The following BCAS3 variants were observed in gnomAD, a reference collection of about 807,000 sequenced individuals.
The protein encoded by BCAS3 is BCAS4/BCAS3 fusion.
BCAS3 carries 53 observed loss-of-function variants against 116.1 expected under a neutral mutation model. The ratio of observed to expected loss-of-function variants is 0.46; its 90% CI spans 0.37 to 0.57. The LOEUF (loss-of-function observed/expected upper bound fraction) is 0.57, where lower values mean the gene tolerates loss of function less well. BCAS3 is among the 20% of genes least tolerant of loss of function. The probability of loss-of-function intolerance (pLI) is 0.00; values close to 1 mark genes in which losing one functional copy is unlikely to be tolerated. For synonymous variants in BCAS3, 391 were observed against 408.2 expected (o/e 0.96, Z 0.51); for missense variants, 917 against 1,165.4 (o/e 0.79, Z 3.10).
chr17:61,049,041 G>C (rs1184397539), intron 19 of BCAS3, among the ~76,000 whole-genome samples: 1 of 152,048 alleles, frequency 6.6e-6, no homozygotes, highest in Non-Finnish European at 1.5e-5. Context: ...TTGCAGAAAA[G>C]TAATCCCAGC....
chr17:60,873,300 G>T (rs2144909894), intron 8 of BCAS3, among the ~76,000 whole-genome samples: 1 of 152,210 alleles, frequency 6.6e-6, no homozygotes, highest in East Asian at 1.9e-4. Context: ...TCACTCATTA[G>T]AATTATTCTG....
intron 6 of BCAS3, among the ~76,000 whole-genome samples, chr17:60,774,238 T>C (rs1403086752): frequency 6.6e-6 from 1 of 152,200 alleles, no homozygotes. Flanking sequence ...TATCTAATGT[T>C]GTTAACCCAT....
chr17:61,322,191 C>T (rs1352171185), intron 22 of BCAS3, among the ~76,000 whole-genome samples: 1 of 152,170 alleles, frequency 6.6e-6, no homozygotes, highest in African/African-American at 2.4e-5. Flanking sequence ...GCCTCAGCCT[C>T]CCAAAGTGCT....
rs573247142 is a variant in BCAS3 at position 61,104,077 on chromosome 17, T to C, written c.2425+19513T>C. Among the ~76,000 whole-genome samples the C allele has an allele frequency of 6.6e-6, 1 of 152,312 alleles. No individual in the cohort carries two copies. The highest frequency in any genetic ancestry group is 1.9e-4 in the East Asian group (1 of 5,190). ...CAGTGTGGATTTTTCTTATGATACG[T>C]TGGAATAAAAGAAAAAACTTTTCTA... On this transcript the variant is annotated intron_variant, in intron 22 of 23. Coordinates refer to ENST00000407086, the MANE Select transcript of BCAS3 (RefSeq NM_017679.5). This position sits in a 1 kb window ranked among gnomAD's most constrained non-coding sequence, Gnocchi z 4.1.
chr17:60,977,829 A>G lies in BCAS3; in HGVS notation c.1222-12142A>G, dbSNP rs1220332923. On this transcript the variant is annotated intron_variant, in intron 14 of 23. Transcript: ENST00000407086. ...ATCCATGTCCCTACAAAGGACATGA[A>G]CTCATCATTTTTTATGGCTGCATAG... Among the ~76,000 whole-genome samples the G allele has an allele frequency of 3.4e-5, 5 of 148,626 alleles. No homozygotes were observed. In the East Asian group the frequency reaches 5.9e-4, roughly 18 times the overall value.
At chr17:61,054,786 TCA>T (rs2069208519) in intron 19 of BCAS3, among the ~76,000 whole-genome samples, 1 of 152,252 alleles carries the variant, frequency 6.6e-6, no homozygotes, top group African/African-American at 2.4e-5. Context: ...TAGTAGTATC[TCA>T]GTGTTCCTTC....
chr17:60,951,567 T>G (rs1232734195), intron 14 of BCAS3, among the ~76,000 whole-genome samples: 1 of 152,110 alleles, frequency 6.6e-6, no homozygotes, highest in Non-Finnish European at 1.5e-5. Flanking sequence ...AGTGCAGTGG[T>G]ATTATATCTT....
rs570585144 is a variant in BCAS3 at position 60,759,131 on chromosome 17, A to C, written c.403+11852A>C. The stretch of plus-strand genomic sequence containing the variant: ...TGGGACTACAGGCACATGCCACCAC[A>C]CCCAGCTAATTTTTGTATTTTTAGT... On this transcript the variant is annotated intron_variant, in intron 6 of 23. Coordinates refer to ENST00000407086, the MANE Select transcript of BCAS3 (RefSeq NM_017679.5). Among the ~76,000 whole-genome samples, 20 of 151,690 alleles carry C rather than the reference A, an allele frequency of 1.3e-4. 1 individual carries two copies. In the South Asian group the frequency reaches 4.2e-3, roughly 32 times the overall value.
In BCAS3 at chr17:60,960,884, A is replaced by T. The variant is rs77016112; in HGVS notation, c.1221+13532A>T. Among the ~76,000 whole-genome samples, 2 of 150,964 alleles carry T rather than the reference A, an allele frequency of 1.3e-5. No homozygotes were observed. Among genetic ancestry groups the T allele is most frequent in the Non-Finnish European group, 2.9e-5 (2 of 67,894 alleles). On this transcript the variant is annotated intron_variant, in intron 14 of 23. Coordinates refer to ENST00000407086, the MANE Select transcript of BCAS3 (RefSeq NM_017679.5). This position sits in a 1 kb window ranked among gnomAD's most constrained non-coding sequence, Gnocchi z 4.1. Reference sequence around the variant, plus strand: ...ACCTTGTGTATCTCCTGTGTATGTCATGGGGATCCATGCCATCAGACAAGA... The same window carrying T: ...ACCTTGTGTATCTCCTGTGTATGTCTTGGGGATCCATGCCATCAGACAAGA...
intron 22 of BCAS3, among the ~76,000 whole-genome samples, chr17:61,270,902 G>T (rs1313245189): frequency 6.6e-6 from 1 of 151,952 alleles, no homozygotes; most frequent in Non-Finnish European, 1.5e-5. Context: ...TGGGATTACA[G>T]GCATATGCCA....
At position 60,844,047 on chromosome 17, in the gene BCAS3, G is replaced by A. The variant is rs138173268; in HGVS notation, c.477-24529G>A. 4.0e-3 allele frequency among the ~76,000 whole-genome samples: 604 copies of A among 152,226 alleles called. 4 individuals are homozygous for A. Among genetic ancestry groups the A allele is most frequent in the African/African-American group, 0.013 (551 of 41,528 alleles). ...TGCAATGGCGTGATCTCGGCTCACCGCAACCTCTGCCTCCTGGGTTCAAGG... is the reference window on the plus strand; with the variant it reads ...TGCAATGGCGTGATCTCGGCTCACCACAACCTCTGCCTCCTGGGTTCAAGG... On this transcript the variant is annotated intron_variant, in intron 7 of 23. Coordinates refer to ENST00000407086, the MANE Select transcript of BCAS3 (RefSeq NM_017679.5).
intron 22 of BCAS3, among the ~76,000 whole-genome samples, chr17:61,149,327 C>T (rs563074170): frequency 2.6e-5 from 4 of 151,668 alleles, no homozygotes; most frequent in African/African-American, 7.3e-5. Flanking sequence ...GCATAAATTG[C>T]GAAATACTTA....
chr17:60,723,838 C>G (rs898396096), intron 5 of BCAS3, among the ~76,000 whole-genome samples: 2 of 150,048 alleles, frequency 1.3e-5, no homozygotes, highest in South Asian at 2.1e-4. Flanking sequence ...CCTGCCTCAG[C>G]CTTCTGAGTA....
chr17:60,726,601 G>T (rs1298222778), intron 5 of BCAS3, among the ~76,000 whole-genome samples: 2 of 148,494 alleles, frequency 1.3e-5, no homozygotes, highest in African/African-American at 5.0e-5. Context: ...GCTCCGCCTC[G>T]CAGGTTCACG....
In BCAS3 at chr17:61,140,558, T is replaced by C. The variant is rs1202144817; in HGVS notation, c.2425+55994T>C. Among the ~76,000 whole-genome samples the C allele has an allele frequency of 6.6e-6, 1 of 151,344 alleles. No individual in the cohort carries two copies. Reference sequence around the variant, plus strand: ...CTGCAAGTGGATTCAATTTGTAAAGTCACATAAAAGTTGCTTATCTCTCCA... The same window carrying C: ...CTGCAAGTGGATTCAATTTGTAAAGCCACATAAAAGTTGCTTATCTCTCCA... On this transcript the variant is annotated intron_variant, in intron 22 of 23. Transcript: ENST00000407086. The surrounding 1 kb of genome is among the most constrained non-coding windows in gnomAD (Gnocchi z 4.2).
intron 13 of BCAS3, among the ~76,000 whole-genome samples, chr17:60,941,577 A>C (rs1408086630): frequency 6.6e-6 from 1 of 152,160 alleles, no homozygotes; most frequent in Non-Finnish European, 1.5e-5. Context: ...AAATTTTGTG[A>C]AAAAAGTAAA....
chr17:60,804,038 G>T (rs532632353), intron 6 of BCAS3, among the ~76,000 whole-genome samples: 1 of 150,322 alleles, frequency 6.7e-6, no homozygotes, highest in African/African-American at 2.4e-5. Context: ...CCTGACCTCA[G>T]GTGATCTGCC....
intron 19 of BCAS3, among the ~76,000 whole-genome samples, chr17:61,070,739 C>T (rs919276601): frequency 9.9e-5 from 15 of 152,198 alleles, no homozygotes; most frequent in African/African-American, 2.9e-4. Context: ...CCTAGGCTGG[C>T]CTTCTGTATT....
chr17:60,943,675 T>C (rs1280171435), intron 13 of BCAS3, among the ~76,000 whole-genome samples: 1 of 152,048 alleles, frequency 6.6e-6, no homozygotes, highest in Non-Finnish European at 1.5e-5. Flanking sequence ...AAATTGAAGA[T>C]GCAAACATCA....
Sources: allele counts gnomAD v4.1 joint callset (sites outside exome capture counted in the v4.1 genomes callset), GRCh38; gene constraint gnomAD v4.1.1; non-coding constraint Gnocchi (gnomAD v3.1); transcripts MANE v1.5; gene names NCBI Gene and HGNC (gene_info 2026-07-23, HGNC 2026-07-21).